The following RTCB variants were observed in gnomAD, a reference collection of about 807,000 sequenced individuals.
The protein encoded by RTCB is RNA 2',3'-cyclic phosphate and 5'-OH ligase.
RTCB carries 32 observed loss-of-function variants against 58.2 expected under a neutral mutation model. The observed-to-expected ratio is 0.55, with a 90% confidence interval of 0.41 to 0.74. RTCB has a LOEUF of 0.74. Ranked by LOEUF, RTCB falls within the 30% of genes least tolerant of loss-of-function variation. The pLI, the probability that RTCB is intolerant of heterozygous loss-of-function variation, is 0.00. For synonymous variants in RTCB, 247 were observed against 218.6 expected (o/e 1.13, Z -1.15); for missense variants, 523 against 639.0 (o/e 0.82, Z 1.96).
intron 10 of RTCB, among the ~76,000 whole-genome samples, chr22:32,393,262 T>G (rs1933186082): frequency 1.3e-5 from 2 of 152,220 alleles, no homozygotes; most frequent in Admixed American, 6.5e-5. Flanking sequence ...GAACACAGCA[T>G]TGCCCATTTA....
rs541433483 is a variant in RTCB, at chr22:32,387,662, A to C, written c.*330T>G. The C allele has an allele frequency of 6.5e-5, 15 of 231,942 alleles. No homozygotes were observed. Among genetic ancestry groups the C allele is most frequent in the African/African-American group, 3.1e-4 (14 of 45,262 alleles). 14.4% of individuals were successfully genotyped at this position (231,942 alleles called of 1,614,324 possible). ...AACAGAGCTTGGTGTGAAGAAGATC[A>C]ATCTGATGGCTAAAGATCAGTATGA... On this transcript the variant is annotated 3_prime_UTR_variant, in exon 12 of 12. Transcript: ENST00000216038.
Position 32,388,060 on chromosome 22 carries a change from T to A in RTCB, c.1450A>T (p.Thr484Ser), listed in dbSNP as rs576737790. ...SYKNVTDVVN[T>S]CHDAGISKKA... ...TTGCTGATTCCAGCATCATGGCAGG[T>A]ATTTACCACATCTGTCACATTCTTA... The change falls in exon 12 of 12, where the codon ACC becomes TCC. Residue 484 changes from threonine (T) to serine (S), a missense_variant. Coordinates refer to ENST00000216038, the MANE Select transcript of RTCB (RefSeq NM_014306.5). 1.1e-5 allele frequency: 17 copies of A among 1,613,770 alleles called. No individual in the cohort carries two copies. Among genetic ancestry groups the A allele is most frequent in the Non-Finnish European group, 5.1e-6 (6 of 1,179,858 alleles).
intron 1 of RTCB, 128 bp downstream of exon 1, chr22:32,411,936 G>A: frequency 1.5e-6 from 1 of 671,298 alleles, no homozygotes; most frequent in Non-Finnish European, 2.5e-6. Flanking sequence ...GAGAAGGACG[G>A]GATGAGGGAA....
intron 4 of RTCB, among the ~76,000 whole-genome samples, chr22:32,403,670 A>G (rs946090028): frequency 4.6e-5 from 7 of 152,182 alleles, no homozygotes; most frequent in African/African-American, 1.2e-4. Flanking sequence ...GGCTCAAGCT[A>G]TCCTCCCACC....
At chr22:32,403,634 T>C (rs5749427) in intron 4 of RTCB, among the ~76,000 whole-genome samples, 15,920 of 152,212 alleles carry the variant, frequency 0.1, 1,303 homozygotes, top group East Asian at 0.45. Flanking sequence ...GGCTAGGTCA[T>C]AGCTCACTGA....
rs201175907 is a variant in RTCB, at chr22:32,396,033, A to G, written c.990+41T>C. 127 of 1,600,948 alleles carry G rather than the reference A, an allele frequency of 7.9e-5. No homozygotes were observed. In the African/African-American group the frequency reaches 1.4e-3, roughly 18 times the overall value. ...ACTATGTTTTAAAGCACTTAACATCATCATGAATGACTCGGAACAGAAGAG... is the reference window on the plus strand; with the variant it reads ...ACTATGTTTTAAAGCACTTAACATCGTCATGAATGACTCGGAACAGAAGAG... On this transcript the variant is annotated intron_variant, in intron 8 of 11. Coordinates refer to ENST00000216038, the MANE Select transcript of RTCB (RefSeq NM_014306.5).
chr22:32,392,016 A>C (rs1215365087), intron 11 of RTCB, among the ~76,000 whole-genome samples: 1 of 152,220 alleles, frequency 6.6e-6, no homozygotes, highest in Non-Finnish European at 1.5e-5. Context: ...AATGAACAGT[A>C]AAAATCATTC....
At chr22:32,395,889 C>G (rs889225705) in intron 8 of RTCB, among the ~76,000 whole-genome samples, 185 bp downstream of exon 8, 1 of 152,080 alleles carries the variant, frequency 6.6e-6, no homozygotes, top group East Asian at 1.9e-4. Context: ...TTAGTAGAGA[C>G]GGGGTTTCAC....
intron 11 of RTCB, among the ~76,000 whole-genome samples, 170 bp downstream of exon 11, chr22:32,392,068 CAT>C (rs1448509569): frequency 6.6e-6 from 1 of 151,902 alleles, no homozygotes; most frequent in African/African-American, 2.4e-5. Flanking sequence ...GAAATGAAAA[CAT>C]AAAACTGAAA....
At position 32,401,759 on chromosome 22, in the gene RTCB, G is replaced by A; in HGVS notation, c.485C>T (p.Pro162Leu). The A allele has an allele frequency of 6.2e-7, 1 of 1,613,822 alleles. No individual in the cohort carries two copies. Among genetic ancestry groups the A allele is most frequent in the Non-Finnish European group, 8.5e-7 (1 of 1,179,804 alleles). The change falls in exon 5 of 12, where the codon CCA becomes CTA. Residue 162 changes from proline to leucine, a missense_variant. Coordinates refer to ENST00000216038, the MANE Select transcript of RTCB (RefSeq NM_014306.5). Reference protein sequence around the residue: ...PVGVGSKGVIPMNAKDLEEAL... With the variant: ...PVGVGSKGVILMNAKDLEEAL... ...CGTGTGCTCTTACTTGGCATTCATT[G>A]GGATGACACCTTTTGACCCCACCCC...
chr22:32,406,801 C>T (rs776888663), intron 3 of RTCB, 40 bp from the exon 4 acceptor site: 1 of 1,409,300 alleles, frequency 7.1e-7, no homozygotes, highest in East Asian at 2.3e-5. Flanking sequence ...GTGTCTTGAC[C>T]TGCTACCCTG....
intron 1 of RTCB, among the ~76,000 whole-genome samples, chr22:32,410,282 G>C (rs930120614): frequency 1.3e-5 from 2 of 152,158 alleles, no homozygotes; most frequent in African/African-American, 2.4e-5. Context: ...TTGAAGACAA[G>C]AGACATCACT....
chr22:32,411,912 C>G, intron 1 of RTCB, 152 bp downstream of exon 1: 1 of 608,988 alleles, frequency 1.6e-6, no homozygotes, highest in Non-Finnish European at 2.8e-6. Context: ...TGGGCGGCCC[C>G]AGAACCGTGA....
At position 32,412,221 on chromosome 22, in the gene RTCB, C is replaced by A; in HGVS notation, c.-65G>T. 7.4e-7 allele frequency: 1 copy of A among 1,353,060 alleles called. No individual in the cohort carries two copies. The highest frequency in any genetic ancestry group is 1.3e-5 in the South Asian group (1 of 77,478). 83.8% of individuals were successfully genotyped at this position (1,353,060 alleles called of 1,614,324 possible). A position where few individuals can be genotyped will look rare whatever the true frequency, so the allele number is the denominator to read the frequency against. ...GAAGAGCCGCTGCCGCGTAGTCCGG[C>A]TTCTCAGAGCACCGCCTTCCAAGAA... On this transcript the variant is annotated 5_prime_UTR_variant, in exon 1 of 12. Coordinates refer to ENST00000216038, the MANE Select transcript of RTCB (RefSeq NM_014306.5).
At chr22:32,397,225 T>A (rs375087536) in intron 7 of RTCB, among the ~76,000 whole-genome samples, 47 of 152,316 alleles carry the variant, frequency 3.1e-4, no homozygotes, top group African/African-American at 1.1e-3. Flanking sequence ...ACCGTCACAA[T>A]TCATACATTA....
chr22:32,404,607 A>C (rs9609530), intron 4 of RTCB, among the ~76,000 whole-genome samples: 18,897 of 152,072 alleles, frequency 0.12, 1,575 homozygotes, highest in Non-Finnish European at 0.19. Flanking sequence ...GGGTCTCCCT[A>C]TGTTGTGCAG....
chr22:32,405,330 G>GT (rs1045406777), intron 4 of RTCB, among the ~76,000 whole-genome samples: 1 of 152,140 alleles, frequency 6.6e-6, no homozygotes, highest in Non-Finnish European at 1.5e-5. Flanking sequence ...AGTGCAAAAA[G>GT]TTTGAGGACT....
At chr22:32,403,731 A>C (rs145308670) in intron 4 of RTCB, among the ~76,000 whole-genome samples, 1 of 152,182 alleles carries the variant, frequency 6.6e-6, no homozygotes, top group African/African-American at 2.4e-5. Flanking sequence ...TGCAAAAGTA[A>C]TTGTGCTTTT....
At chr22:32,406,012 T>C (rs1277158584) in intron 4 of RTCB, among the ~76,000 whole-genome samples, 2 of 152,170 alleles carry the variant, frequency 1.3e-5, no homozygotes, top group Non-Finnish European at 2.9e-5. Flanking sequence ...GCTGAACTCA[T>C]CTAAGCTACT....
Sources: allele counts gnomAD v4.1 joint callset (sites outside exome capture counted in the v4.1 genomes callset), GRCh38; gene constraint gnomAD v4.1.1; transcripts MANE v1.5; gene names NCBI Gene and HGNC (gene_info 2026-07-23, HGNC 2026-07-21).